Variants in ZMAT4 observed in about 807,000 individuals in gnomAD.
ZMAT4 encodes the protein zinc finger matrin-type 4.
ZMAT4 carries 17 observed loss-of-function variants against 28.7 expected under a neutral mutation model. The observed-to-expected ratio is 0.59, with a 90% CI of 0.41 to 0.89. ZMAT4 has a LOEUF of 0.89. ZMAT4 is among the 40% of genes least tolerant of loss of function. ZMAT4 has a pLI of 0.00. For synonymous variants in ZMAT4, 117 were observed against 109.2 expected (o/e 1.07, Z -0.44); for missense variants, 240 against 283.8 (o/e 0.85, Z 1.11).
chr8:40,584,753 C>A (rs1585717103), intron 5 of ZMAT4, among the ~76,000 whole-genome samples: 1 of 152,160 alleles, frequency 6.6e-6, no homozygotes, highest in East Asian at 1.9e-4. Flanking sequence ...CCTGCCTCAG[C>A]CTCCCAAGTA....
At chr8:40,643,789 C>CCA (rs1554531606) in intron 5 of ZMAT4, among the ~76,000 whole-genome samples, 3 of 137,638 alleles carry the variant, frequency 2.2e-5, no homozygotes, top group Admixed American at 7.5e-5. Flanking sequence ...TGTGTGTGTG[C>CCA]AAAAAAAAAA....
At chr8:40,568,982 T>A (rs1451371443) in intron 6 of ZMAT4, among the ~76,000 whole-genome samples, 1 of 152,222 alleles carries the variant, frequency 6.6e-6, no homozygotes, top group Non-Finnish European at 1.5e-5. Flanking sequence ...TGTTAAAAGG[T>A]ACAATCATCT....
intron 5 of ZMAT4, among the ~76,000 whole-genome samples, chr8:40,621,573 T>C (rs1304094162): frequency 6.6e-6 from 1 of 151,988 alleles, no homozygotes; most frequent in Non-Finnish European, 1.5e-5. Flanking sequence ...AAGCGCAAGG[T>C]TAGAGTTGAA....
At chr8:40,589,895 C>T (rs1181467075) in intron 5 of ZMAT4, among the ~76,000 whole-genome samples, 1 of 142,866 alleles carries the variant, frequency 7.0e-6, no homozygotes, top group African/African-American at 2.6e-5. Context: ...CCTTCCCTTC[C>T]CTTCTCTTCC....
chr8:40,699,911 C>T (rs1810060126), intron 3 of ZMAT4, among the ~76,000 whole-genome samples: 1 of 152,234 alleles, frequency 6.6e-6, no homozygotes, highest in South Asian at 2.1e-4. Flanking sequence ...TGGCCTTTCT[C>T]CCTGAAGCTC....
intron 2 of ZMAT4, among the ~76,000 whole-genome samples, chr8:40,768,402 T>C (rs528406908): frequency 1.3e-5 from 2 of 152,360 alleles, no homozygotes; most frequent in Admixed American, 1.3e-4. Context: ...ATGCCCAGCA[T>C]GGAGAAACTG....
intron 4 of ZMAT4, among the ~76,000 whole-genome samples, chr8:40,675,930 C>A (rs1279235847): frequency 6.6e-6 from 1 of 152,122 alleles, no homozygotes; most frequent in Non-Finnish European, 1.5e-5. Context: ...ATTGTTCCAC[C>A]TATTAAATTA....
chr8:40,883,710 T>G (rs1818356740), intron 1 of ZMAT4, among the ~76,000 whole-genome samples: 1 of 152,134 alleles, frequency 6.6e-6, no homozygotes, highest in Non-Finnish European at 1.5e-5. Flanking sequence ...TGCCCTGATC[T>G]CCCCTAACTC....
intron 2 of ZMAT4, among the ~76,000 whole-genome samples, chr8:40,791,612 A>G (rs911154305): frequency 6.6e-6 from 1 of 152,180 alleles, no homozygotes; most frequent in African/African-American, 2.4e-5. Flanking sequence ...AGCATTCTGC[A>G]ATATAAGCTT....
rs146448170 is a variant in ZMAT4 at position 40,802,136 on chromosome 8, G to A, written c.102+23439C>T. 9.8e-5 allele frequency among the ~76,000 whole-genome samples: 15 copies of A among 152,286 alleles called. No individual in the cohort carries two copies. In the East Asian group the frequency reaches 2.9e-3, roughly 29 times the overall value. On this transcript the variant is annotated intron_variant, in intron 2 of 6. Coordinates refer to ENST00000297737, the MANE Select transcript of ZMAT4 (RefSeq NM_024645.3). ...AGCTAACATCATACATAACAGTGAG[G>A]AATTCAAATCTTTCTTGCTAAGATC...
chr8:40,763,055 T>C (rs1813003400), intron 3 of ZMAT4, among the ~76,000 whole-genome samples: 1 of 152,190 alleles, frequency 6.6e-6, no homozygotes, highest in Non-Finnish European at 1.5e-5. Flanking sequence ...CAGTGTCACT[T>C]TCCCCAGGAA....
At chr8:40,807,778 C>A (rs979405616) in intron 2 of ZMAT4, among the ~76,000 whole-genome samples, 2 of 152,166 alleles carry the variant, frequency 1.3e-5, no homozygotes, top group African/African-American at 4.8e-5. Context: ...TTTGTTTCCT[C>A]CTCAACAGGA....
At chr8:40,663,065 A>G (rs1384666067) in intron 5 of ZMAT4, among the ~76,000 whole-genome samples, 1 of 152,100 alleles carries the variant, frequency 6.6e-6, no homozygotes, top group East Asian at 1.9e-4. Context: ...GTGGCCACCA[A>G]ATACAGTTCC....
chr8:40,872,022 C>T (rs1203171387), intron 1 of ZMAT4, among the ~76,000 whole-genome samples: 4 of 152,260 alleles, frequency 2.6e-5, no homozygotes, highest in Middle Eastern at 3.4e-3. Context: ...GAAATCAGGG[C>T]CAACTGACAA....
At chr8:40,705,179 T>C (rs1017826933) in intron 3 of ZMAT4, among the ~76,000 whole-genome samples, 5 of 152,212 alleles carry the variant, frequency 3.3e-5, no homozygotes, top group Admixed American at 1.3e-4. Context: ...TAGCTTGTTT[T>C]TTCAGTCATT....
At chr8:40,709,624 A>G (rs1175014495) in intron 3 of ZMAT4, among the ~76,000 whole-genome samples, 2 of 152,268 alleles carry the variant, frequency 1.3e-5, no homozygotes, top group African/African-American at 4.8e-5. Context: ...TAAAGGACCC[A>G]GTGAGAAAAC....
chr8:40,688,763 T>C lies in ZMAT4; in HGVS notation c.349+8482A>G, dbSNP rs935271200. ...TAGGTGTCTGTGTCATGTGACAATTTACATAGCAGAGTAACCTATCGAGAA... is the reference window on the plus strand; with the variant it reads ...TAGGTGTCTGTGTCATGTGACAATTCACATAGCAGAGTAACCTATCGAGAA... On this transcript the variant is annotated intron_variant, in intron 4 of 6. Coordinates refer to ENST00000297737, the MANE Select transcript of ZMAT4 (RefSeq NM_024645.3). Among the ~76,000 whole-genome samples the C allele has an allele frequency of 7.9e-5, 12 of 152,248 alleles. 1 individual carries two copies. Among genetic ancestry groups the C allele is most frequent in the African/African-American group, 2.9e-4 (12 of 41,470 alleles).
chr8:40,830,788 G>C (rs1407966428), intron 1 of ZMAT4, among the ~76,000 whole-genome samples: 1 of 152,212 alleles, frequency 6.6e-6, no homozygotes, highest in African/African-American at 2.4e-5. Context: ...GGGCTCTTCA[G>C]AGGGAAAGAC....
chr8:40,786,025 C>G (rs1282902802), intron 2 of ZMAT4, among the ~76,000 whole-genome samples: 1 of 152,160 alleles, frequency 6.6e-6, no homozygotes, highest in Non-Finnish European at 1.5e-5. Context: ...GCAGTTGTTT[C>G]TGACTTCCAT....
Sources: gnomAD v4.1 joint callset for allele counts (sites outside exome capture counted in the v4.1 genomes callset) on GRCh38, gnomAD v4.1.1 for gene constraint, MANE v1.5 for transcripts, NCBI Gene and HGNC (gene_info 2026-07-23, HGNC 2026-07-21) for gene names.